The following KIAA1217 variants were observed in gnomAD, a reference collection of about 807,000 sequenced individuals.
KIAA1217 encodes the protein KIAA1217, also known as sickle tail protein homolog.
KIAA1217 carries 88 observed loss-of-function variants against 163.9 expected under a neutral mutation model. The observed-to-expected ratio is 0.54, with a 90% CI of 0.45 to 0.64. The LOEUF (loss-of-function observed/expected upper bound fraction) is 0.64. Ranked by LOEUF, KIAA1217 falls within the 30% of genes least tolerant of loss-of-function variation. The probability of loss-of-function intolerance (pLI) is 0.00; values close to 1 mark genes in which losing one functional copy is unlikely to be tolerated. For missense variants in KIAA1217, 2,372 were observed against 2,475.0 expected, an observed-to-expected ratio of 0.96 and a Z score of 0.88; for synonymous variants, 903 against 923.1, an observed-to-expected ratio of 0.98 and a Z score of 0.39.
intron 1 of KIAA1217, among the ~76,000 whole-genome samples, chr10:23,719,099 T>C (rs1217051320): frequency 6.6e-6 from 1 of 152,162 alleles, no homozygotes; most frequent in Non-Finnish European, 1.5e-5. Flanking sequence ...ATAACATGTA[T>C]ACACTACATG....
intron 1 of KIAA1217, among the ~76,000 whole-genome samples, chr10:23,996,461 C>G (rs965282852): frequency 6.6e-6 from 1 of 152,140 alleles, no homozygotes; most frequent in Admixed American, 6.6e-5. Flanking sequence ...AACACAACGG[C>G]AGAAACTGTT....
chr10:23,944,373 G>A (rs948284058), intron 1 of KIAA1217, among the ~76,000 whole-genome samples: 2 of 56,374 alleles, frequency 3.5e-5, no homozygotes, highest in African/African-American at 3.6e-4. Context: ...TGCAGTGAGC[G>A]AGATGGCACC....
intron 1 of KIAA1217, among the ~76,000 whole-genome samples, chr10:23,696,053 C>A (rs529684501): frequency 3.9e-5 from 6 of 152,308 alleles, no homozygotes; most frequent in African/African-American, 1.4e-4. Context: ...GCGGGCGAGA[C>A]CCTGTCTGTT....
In KIAA1217 at chr10:24,524,567, G is replaced by T. The variant is rs750745019; in HGVS notation, c.2701G>T (p.Val901Leu). ...GGTCATCCAGCCCTCCCAGCACTCC[G>T]TGGCCCTGCTGAACCCTGCTCAGAA... ...PVVIQPSQHS[V>L]ALLNPAQNLP... The change falls in exon 13 of 21, where the codon GTG (valine) becomes TTG (leucine). Residue 901 changes from valine to leucine, a missense_variant. Val to Leu is a conservative substitution (Grantham distance 32, BLOSUM62 1). This residue lies in a region of KIAA1217 where 1,431 missense variants were observed against 1,470.3 expected (regional missense o/e 0.97). Coordinates refer to ENST00000376454, the MANE Select transcript of KIAA1217 (RefSeq NM_019590.5). The T allele has an allele frequency of 6.2e-7, 1 of 1,613,970 alleles. No individual in the cohort carries two copies. Among genetic ancestry groups the T allele is most frequent in the African/African-American group, 1.3e-5 (1 of 75,050 alleles).
At chr10:24,037,475 G>A (rs1000293381) in intron 2 of KIAA1217, among the ~76,000 whole-genome samples, 2 of 152,084 alleles carry the variant, frequency 1.3e-5, no homozygotes, top group African/African-American at 2.4e-5. Context: ...GGGCAATAGA[G>A]CAAGACTCTG....
intron 1 of KIAA1217, among the ~76,000 whole-genome samples, chr10:24,006,201 G>A (rs2131476426): frequency 6.6e-6 from 1 of 152,242 alleles, no homozygotes; most frequent in East Asian, 1.9e-4. Flanking sequence ...GTATTTCAGG[G>A]TGAAAACTCA....
intron 1 of KIAA1217, among the ~76,000 whole-genome samples, chr10:23,793,407 G>C (rs1836053141): frequency 6.6e-6 from 1 of 152,182 alleles, no homozygotes; most frequent in South Asian, 2.1e-4. Context: ...CTGGCTGAAG[G>C]TTAAATGTCT....
chr10:23,800,446 C>T (rs1236750310), intron 1 of KIAA1217, among the ~76,000 whole-genome samples: 2 of 152,058 alleles, frequency 1.3e-5, no homozygotes, highest in Non-Finnish European at 2.9e-5. Context: ...TGCCCAGCTT[C>T]TCAGTGGTCA....
chr10:24,269,562 CAG>C (rs1014018747), intron 2 of KIAA1217, among the ~76,000 whole-genome samples: 1 of 152,108 alleles, frequency 6.6e-6, no homozygotes, highest in Non-Finnish European at 1.5e-5. Context: ...CATCAAAAAA[CAG>C]AGCAAATTAC....
chr10:23,727,823 G>T (rs1279747620), intron 1 of KIAA1217, among the ~76,000 whole-genome samples: 2 of 152,048 alleles, frequency 1.3e-5, no homozygotes, highest in Non-Finnish European at 2.9e-5. Flanking sequence ...ATGGGCCCTT[G>T]TGTGTGATGT....
intron 1 of KIAA1217, among the ~76,000 whole-genome samples, chr10:23,875,826 A>G (rs1840665405): frequency 6.6e-6 from 1 of 151,918 alleles, no homozygotes; most frequent in Non-Finnish European, 1.5e-5. Flanking sequence ...GGGAACCATC[A>G]TTCTAAGCAA....
intron 1 of KIAA1217, among the ~76,000 whole-genome samples, chr10:23,740,566 C>T (rs767290829): frequency 1.3e-5 from 2 of 152,066 alleles, no homozygotes; most frequent in Non-Finnish European, 2.9e-5. Context: ...TGCTATATTG[C>T]CCAGGGCGGT....
intron 2 of KIAA1217, among the ~76,000 whole-genome samples, chr10:24,246,500 G>T (rs1439685788): frequency 6.6e-6 from 1 of 152,180 alleles, no homozygotes; most frequent in Non-Finnish European, 1.5e-5. Context: ...TGTTGCAGGG[G>T]ATATTATGGT....
chr10:24,026,264 C>A (rs1847934407), intron 2 of KIAA1217, among the ~76,000 whole-genome samples: 1 of 151,790 alleles, frequency 6.6e-6, no homozygotes, highest in Non-Finnish European at 1.5e-5. Flanking sequence ...GTCTTGATAT[C>A]ATGATAATTC....
chr10:24,073,189 G>T (rs150852780), intron 2 of KIAA1217, among the ~76,000 whole-genome samples: 1 of 152,108 alleles, frequency 6.6e-6, no homozygotes, highest in Non-Finnish European at 1.5e-5. Context: ...GGGAGCGAGC[G>T]CTGGGGCAGA....
At chr10:24,164,575 T>C (rs993387463) in intron 2 of KIAA1217, among the ~76,000 whole-genome samples, 1 of 152,150 alleles carries the variant, frequency 6.6e-6, no homozygotes, top group Non-Finnish European at 1.5e-5. Flanking sequence ...AATGAATAGG[T>C]CAGTCTGAAA....
At chr10:23,776,489 G>A (rs936731069) in intron 1 of KIAA1217, among the ~76,000 whole-genome samples, 1 of 151,276 alleles carries the variant, frequency 6.6e-6, no homozygotes, top group African/African-American at 2.4e-5. Flanking sequence ...TCAGGTGACA[G>A]TTGTATATAC....
At chr10:23,915,142 A>G (rs1842585128) in intron 1 of KIAA1217, among the ~76,000 whole-genome samples, 1 of 152,184 alleles carries the variant, frequency 6.6e-6, no homozygotes, top group Non-Finnish European at 1.5e-5. Flanking sequence ...ACAGAAAAAG[A>G]TCAAGGGGAG....
chr10:24,533,345 G>A (rs891605788), intron 16 of KIAA1217, 108 bp downstream of exon 16: 30 of 1,098,408 alleles, frequency 2.7e-5, no homozygotes, highest in African/African-American at 9.5e-5. Flanking sequence ...CGCATGGACC[G>A]GGACCATAGA....
Sources: gnomAD v4.1 joint callset for allele counts (sites outside exome capture counted in the v4.1 genomes callset) on GRCh38, gnomAD v4.1.1 for gene constraint, gnomAD v4.1.1 regional missense constraint, MANE v1.5 for transcripts, NCBI Gene and HGNC (gene_info 2026-07-23, HGNC 2026-07-21) for gene names.